Variants in PVT1 observed in about 807,000 individuals in gnomAD.
The protein encoded by PVT1 is Pvt1 oncogene.
intron 3 of PVT1, among the ~76,000 whole-genome samples, chr8:127,945,701 C>T (rs1465076019): frequency 6.6e-6 from 1 of 152,164 alleles, no homozygotes; most frequent in Non-Finnish European, 1.5e-5. Flanking sequence ...AGTTTTGGAC[C>T]TCCCACTGAG....
intron 3 of PVT1, among the ~76,000 whole-genome samples, chr8:127,930,645 C>G (rs1466315644): frequency 1.3e-5 from 2 of 152,068 alleles, no homozygotes; most frequent in Non-Finnish European, 2.9e-5. Context: ...TGTAGGGGCC[C>G]CAGCAGGGTG....
At chr8:127,888,172 C>T (rs941691898) in intron 2 of PVT1, among the ~76,000 whole-genome samples, 3 of 151,256 alleles carry the variant, frequency 2.0e-5, no homozygotes, top group Non-Finnish European at 4.4e-5. Flanking sequence ...GATCTCCTGA[C>T]CTCGTGATCC....
At chr8:127,866,067 GC>G (rs1304311377) in intron 2 of PVT1, among the ~76,000 whole-genome samples, 1 of 152,076 alleles carries the variant, frequency 6.6e-6, no homozygotes, top group Non-Finnish European at 1.5e-5. Flanking sequence ...CGGCTGCCTG[GC>G]CAGGATGGCG....
At chr8:128,002,815 G>A (rs35466618) in intron 4 of PVT1, among the ~76,000 whole-genome samples, 24,627 of 152,090 alleles carry the variant, frequency 0.16, 2,267 homozygotes, top group Admixed American at 0.27. Flanking sequence ...AACACTTCTG[G>A]GGACACAGTT....
chr8:128,034,800 C>G (rs562289360), intron 4 of PVT1, among the ~76,000 whole-genome samples: 14 of 152,280 alleles, frequency 9.2e-5, no homozygotes, highest in African/African-American at 3.4e-4. Flanking sequence ...AGAGCTCAAC[C>G]TTAGAGTTTG....
intron 2 of PVT1, among the ~76,000 whole-genome samples, chr8:127,887,501 C>G (rs1248639014): frequency 3.3e-5 from 5 of 152,182 alleles, no homozygotes; most frequent in Admixed American, 1.3e-4. Flanking sequence ...CTTGAACTTT[C>G]TAGAAACACT....
At chr8:128,045,716 C>T (rs2648860) in intron 4 of PVT1, among the ~76,000 whole-genome samples, 4,034 of 152,260 alleles carry the variant, frequency 0.026, 153 homozygotes, top group African/African-American at 0.084. Flanking sequence ...CCCTGTAAGG[C>T]GTAATGAGGA....
chr8:127,877,950 C>G (rs1253226692), intron 2 of PVT1, among the ~76,000 whole-genome samples: 1 of 151,962 alleles, frequency 6.6e-6, no homozygotes, highest in African/African-American at 2.4e-5. Flanking sequence ...CCCCCTCCCC[C>G]ACAAAAAACC....
intron 2 of PVT1, among the ~76,000 whole-genome samples, chr8:127,829,446 C>G (rs1390975201): frequency 1.3e-5 from 2 of 152,174 alleles, no homozygotes; most frequent in Non-Finnish European, 2.9e-5. Context: ...TCCTTGGCTT[C>G]CCAGAAATCC....
chr8:127,957,352 A>T (rs1816581940), intron 3 of PVT1, among the ~76,000 whole-genome samples: 1 of 152,136 alleles, frequency 6.6e-6, no homozygotes, highest in Non-Finnish European at 1.5e-5. Flanking sequence ...GCAGATCACG[A>T]GGTCAAGAGA....
intron 3 of PVT1, among the ~76,000 whole-genome samples, chr8:127,905,905 A>C (rs934521141): frequency 6.6e-6 from 1 of 152,176 alleles, no homozygotes; most frequent in Non-Finnish European, 1.5e-5. Context: ...GGTCTGAGGC[A>C]AGTTATTTAA....
intron 3 of PVT1, among the ~76,000 whole-genome samples, chr8:127,970,576 G>A (rs969082794): frequency 3.9e-5 from 6 of 152,080 alleles, no homozygotes; most frequent in Non-Finnish European, 2.9e-5. Flanking sequence ...TGGGATTACA[G>A]GCATGAGCAA....
At chr8:127,896,776 C>T (rs932005732) in intron 3 of PVT1, among the ~76,000 whole-genome samples, 3 of 127,346 alleles carry the variant, frequency 2.4e-5, no homozygotes, top group East Asian at 2.2e-4. Flanking sequence ...GCCTTTCCTC[C>T]CCCCCCCCGC....
At chr8:128,069,040 G>A (rs1813948920) in intron 4 of PVT1, among the ~76,000 whole-genome samples, 1 of 152,186 alleles carries the variant, frequency 6.6e-6, no homozygotes, top group Non-Finnish European at 1.5e-5. Context: ...GGACTCCAGG[G>A]TCCTTCTGTT....
chr8:127,966,580 C>T (rs874420), intron 3 of PVT1, among the ~76,000 whole-genome samples: 1 of 152,306 alleles, frequency 6.6e-6, no homozygotes, highest in Middle Eastern at 3.4e-3. Context: ...TTTCTGTAAC[C>T]TGAACTGCCT....
intron 4 of PVT1, among the ~76,000 whole-genome samples, chr8:127,997,044 G>GGTTTT (rs1554603119): frequency 9.8e-5 from 8 of 81,590 alleles, no homozygotes; most frequent in African/African-American, 3.5e-4. Context: ...ATTTGCTTTC[G>GGTTTT]TTTTTTTTTT....
intron 5 of PVT1, among the ~76,000 whole-genome samples, chr8:128,093,285 C>T (rs543559956): frequency 1.3e-5 from 2 of 152,286 alleles, no homozygotes; most frequent in African/African-American, 2.4e-5. Context: ...TGGCCAGGAG[C>T]AGTGGCTCAT....
At chr8:128,084,758 A>G (rs1410091479) in intron 5 of PVT1, among the ~76,000 whole-genome samples, 1 of 152,236 alleles carries the variant, frequency 6.6e-6, no homozygotes, top group Admixed American at 6.5e-5. Flanking sequence ...AAAGCTCTAG[A>G]TATGTTCTGA....
intron 3 of PVT1, among the ~76,000 whole-genome samples, chr8:127,933,799 A>T (rs761995399): frequency 2.0e-5 from 3 of 152,152 alleles, no homozygotes; most frequent in Non-Finnish European, 4.4e-5. Flanking sequence ...CTGTGTGGGG[A>T]TGTTGCCTCC....
Sources: gnomAD v4.1 joint callset for allele counts (sites outside exome capture counted in the v4.1 genomes callset) on GRCh38, gnomAD v4.1.1 for gene constraint, MANE v1.5 for transcripts, NCBI Gene and HGNC (gene_info 2026-07-23, HGNC 2026-07-21) for gene names.